RABGAP1L: variants seen among roughly 807,000 people sequenced by gnomAD.
The protein encoded by RABGAP1L is rab GTPase-activating protein 1-like.
In RABGAP1L, 63 loss-of-function variants were observed where a neutral mutation model predicts 137.7. The observed-to-expected ratio is 0.46, with a 90% confidence interval of 0.37 to 0.56. The LOEUF is 0.56. RABGAP1L is among the 20% of genes least tolerant of loss of function. RABGAP1L has a pLI of 0.00. For synonymous variants in RABGAP1L, 431 were observed against 433.7 expected (o/e 0.99, Z 0.08); for missense variants, 1,095 against 1,244.0 (o/e 0.88, Z 1.80).
chr1:174,387,463 G>A (rs1308477956), intron 12 of RABGAP1L, among the ~76,000 whole-genome samples: 8 of 151,972 alleles, frequency 5.3e-5, no homozygotes, highest in South Asian at 2.1e-4. Context: ...ATAATACAAT[G>A]AAGTCTCATG....
intron 18 of RABGAP1L, among the ~76,000 whole-genome samples, chr1:174,757,645 C>T (rs1684872116): frequency 6.6e-6 from 1 of 151,646 alleles, no homozygotes; most frequent in Non-Finnish European, 1.5e-5. Flanking sequence ...TAAAGCTCTT[C>T]AGCCAGCTTT....
chr1:174,885,464 C>T (rs1265095551), intron 19 of RABGAP1L, among the ~76,000 whole-genome samples: 1 of 152,166 alleles, frequency 6.6e-6, no homozygotes, highest in African/African-American at 2.4e-5. Context: ...ATCAGGTGAT[C>T]CTCTCTCCTT....
chr1:174,543,544 A>C (rs1572249868), intron 13 of RABGAP1L, among the ~76,000 whole-genome samples: 1 of 152,162 alleles, frequency 6.6e-6, no homozygotes. Flanking sequence ...TTGACTCTTT[A>C]TCCAATTTAA....
At chr1:174,806,037 A>G (rs1185791991) in intron 18 of RABGAP1L, among the ~76,000 whole-genome samples, 1 of 152,208 alleles carries the variant, frequency 6.6e-6, no homozygotes, top group Non-Finnish European at 1.5e-5. Flanking sequence ...CAGCCTTTCC[A>G]GTTTAAATCA....
In RABGAP1L at chr1:174,905,648, C is replaced by T. The variant is rs373685311; in HGVS notation, c.2341-51809C>T. Among the ~76,000 whole-genome samples, 24 of 152,048 alleles carry T rather than the reference C, an allele frequency of 1.6e-4. 1 individual carries two copies. The highest frequency in any genetic ancestry group is 5.1e-4 in the African/African-American group (21 of 41,506). Reference sequence around the variant, plus strand: ...GGTGGATCACTTGAGGTCAGGAGTTCGAGACCAGCGTGGCCAACGTGATGA... The same window carrying T: ...GGTGGATCACTTGAGGTCAGGAGTTTGAGACCAGCGTGGCCAACGTGATGA... On this transcript the variant is annotated intron_variant, in intron 19 of 25. Coordinates refer to ENST00000681986, the MANE Select transcript of RABGAP1L (RefSeq NM_001366446.1).
chr1:174,843,090 T>C (rs1693599127), intron 19 of RABGAP1L, among the ~76,000 whole-genome samples: 1 of 152,166 alleles, frequency 6.6e-6, no homozygotes, highest in Admixed American at 6.6e-5. Context: ...TCCTCGATAC[T>C]TCTTACTCCC....
intron 14 of RABGAP1L, among the ~76,000 whole-genome samples, chr1:174,648,430 CTTAT>C (rs1217863519): frequency 6.6e-6 from 1 of 152,096 alleles, no homozygotes; most frequent in African/African-American, 2.4e-5. Context: ...TTTCAAAGAA[CTTAT>C]TTATTTCCAC....
intron 1 of RABGAP1L, among the ~76,000 whole-genome samples, chr1:174,185,951 C>G (rs1322949751): frequency 6.6e-6 from 1 of 152,108 alleles, no homozygotes; most frequent in Non-Finnish European, 1.5e-5. Flanking sequence ...CGCGACCAGC[C>G]TGACCAACAT....
chr1:174,545,800 A>C (rs1212943889), intron 13 of RABGAP1L: 2 of 152,194 alleles, frequency 1.3e-5, no homozygotes. Flanking sequence ...ATTGCTTCCA[A>C]GCTTCTGTTG....
At chr1:174,850,239 C>G (rs72717630) in intron 19 of RABGAP1L, 56,993 of 263,076 alleles carry the variant, frequency 0.22, 6,747 homozygotes, top group Admixed American at 0.25. Flanking sequence ...CTCCGGGGTA[C>G]CCTAGAATAA....
chr1:174,743,862 C>T (rs760486778), intron 17 of RABGAP1L, among the ~76,000 whole-genome samples: 3 of 151,788 alleles, frequency 2.0e-5, no homozygotes, highest in Non-Finnish European at 2.9e-5. Flanking sequence ...CATTCTTGAA[C>T]TCTTTCTCAT....
chr1:174,514,349 G>A (rs1427010107), intron 13 of RABGAP1L, among the ~76,000 whole-genome samples: 1 of 151,048 alleles, frequency 6.6e-6, no homozygotes, highest in Admixed American at 6.6e-5. Flanking sequence ...ATAGAAGCCA[G>A]ACTTTAAGGA....
intron 13 of RABGAP1L, among the ~76,000 whole-genome samples, chr1:174,509,428 G>T (rs1258505950): frequency 1.3e-5 from 2 of 151,750 alleles, no homozygotes; most frequent in South Asian, 2.1e-4. Flanking sequence ...TTCTTCCTCA[G>T]GTAATGTACA....
chr1:174,363,612 C>T (rs1684327407), intron 11 of RABGAP1L, among the ~76,000 whole-genome samples: 2 of 152,070 alleles, frequency 1.3e-5, no homozygotes, highest in South Asian at 4.1e-4. Context: ...AGTGGGCATC[C>T]TTGTTTTGTT....
chr1:174,860,028 A>C (rs2149017541), intron 19 of RABGAP1L, among the ~76,000 whole-genome samples: 2 of 143,030 alleles, frequency 1.4e-5, no homozygotes, highest in Non-Finnish European at 3.0e-5. Flanking sequence ...TATTGGTTGC[A>C]GGATTAATAC....
At chr1:174,792,481 G>A (rs1196826592) in intron 18 of RABGAP1L, among the ~76,000 whole-genome samples, 1 of 152,164 alleles carries the variant, frequency 6.6e-6, no homozygotes, top group Admixed American at 6.5e-5. Context: ...CTTAGTCTGT[G>A]TTGCTGTAAA....
At chr1:174,939,547 CA>C (rs780377420) in intron 19 of RABGAP1L, among the ~76,000 whole-genome samples, 20,232 of 79,178 alleles carry the variant, frequency 0.26, 4,447 homozygotes, top group African/African-American at 0.59. Context: ...CTCTGTCTCA[CA>C]AAAAAAAAAA....
chr1:174,835,100 G>A (rs1692604390), intron 19 of RABGAP1L, among the ~76,000 whole-genome samples: 1 of 152,134 alleles, frequency 6.6e-6, no homozygotes, highest in Admixed American at 6.6e-5. Context: ...TGTCTAACCT[G>A]CTGATAAATT....
intron 7 of RABGAP1L, among the ~76,000 whole-genome samples, chr1:174,255,921 C>A (rs143476140): frequency 6.6e-6 from 1 of 152,322 alleles, no homozygotes; most frequent in African/African-American, 2.4e-5. Context: ...GTGGCCCTTT[C>A]CTCCAAGTGC....
Sources: allele counts gnomAD v4.1 joint callset (sites outside exome capture counted in the v4.1 genomes callset), GRCh38; gene constraint gnomAD v4.1.1; transcripts MANE v1.5; gene names NCBI Gene and HGNC (gene_info 2026-07-23, HGNC 2026-07-21).